Variants in SGMS1 observed in about 807,000 individuals in gnomAD.
The protein encoded by SGMS1 is sphingomyelin synthase 1, also known as phosphatidylcholine:ceramide cholinephosphotransferase 1.
A neutral mutation model predicts 46.2 loss-of-function variants in SGMS1; 13 were observed. The observed-to-expected ratio is 0.28, with a 90% CI of 0.18 to 0.45. The LOEUF (loss-of-function observed/expected upper bound fraction) is 0.45, where lower values mean the gene tolerates loss of function less well. Among genes scored for constraint, SGMS1 ranks in the 20% least tolerant of loss-of-function variants. The pLI, the probability that SGMS1 is intolerant of heterozygous loss-of-function variation, is 1.00. For missense variants in SGMS1, 324 were observed against 519.9 expected, an observed-to-expected ratio of 0.62 and a Z score of 3.66; for synonymous variants, 203 against 187.8, an observed-to-expected ratio of 1.08 and a Z score of -0.66.
Position 50,339,369 on chromosome 10 carries a change from A to G in SGMS1, c.623+4123T>C, listed in dbSNP as rs887327211. Among the ~76,000 whole-genome samples, 4 of 152,168 alleles carry G rather than the reference A, an allele frequency of 2.6e-5. No individual in the cohort carries two copies. The East Asian group carries it at 7.7e-4, about 29-fold the overall frequency. On this transcript the variant is annotated intron_variant, in intron 7 of 10. Coordinates refer to ENST00000361781, the MANE Select transcript of SGMS1 (RefSeq NM_147156.4). ...CAACTACTCTTCCCCAAACACATGC[A>G]TGGTATTCACTCTCATTTGATTCAG...
At chr10:50,473,245 T>C (rs1837394187) in intron 3 of SGMS1, among the ~76,000 whole-genome samples, 1 of 152,212 alleles carries the variant, frequency 6.6e-6, no homozygotes, top group Admixed American at 6.5e-5. Context: ...AGTCAGAAAG[T>C]CCCACAAGCA....
chr10:50,342,741 T>A (rs1030088792), intron 7 of SGMS1: 3 of 152,130 alleles, frequency 2.0e-5, no homozygotes, highest in African/African-American at 7.2e-5. Flanking sequence ...AAATCAAACA[T>A]CAGTGAAGGG....
At chr10:50,484,578 G>A (rs893329468) in intron 3 of SGMS1, among the ~76,000 whole-genome samples, 1 of 152,012 alleles carries the variant, frequency 6.6e-6, no homozygotes, top group Non-Finnish European at 1.5e-5. Context: ...CCAAAACCTG[G>A]CAGAGAAAAT....
chr10:50,478,022 T>C (rs1370095351), intron 3 of SGMS1, among the ~76,000 whole-genome samples: 1 of 152,224 alleles, frequency 6.6e-6, no homozygotes, highest in East Asian at 1.9e-4. Context: ...CAAATGGCAA[T>C]GACATAACAA....
At chr10:50,460,493 A>AT (rs1041857982) in intron 5 of SGMS1, among the ~76,000 whole-genome samples, 180 bp downstream of exon 5, 1 of 152,234 alleles carries the variant, frequency 6.6e-6, no homozygotes, top group African/African-American at 2.4e-5. Flanking sequence ...GACGAGTGAT[A>AT]TCCCACCACA....
intron 5 of SGMS1, among the ~76,000 whole-genome samples, chr10:50,438,592 G>A (rs191473397): frequency 6.6e-6 from 1 of 152,326 alleles, no homozygotes; most frequent in East Asian, 1.9e-4. Context: ...CACAGAAACT[G>A]TGAGATAATT....
At chr10:50,542,210 G>A (rs750958861) in intron 2 of SGMS1, among the ~76,000 whole-genome samples, 2 of 151,946 alleles carry the variant, frequency 1.3e-5, no homozygotes, top group Admixed American at 6.6e-5. Flanking sequence ...AGACTTCTAC[G>A]GCATAAAATA....
chr10:50,536,166 T>C (rs754209974), intron 2 of SGMS1, among the ~76,000 whole-genome samples: 3 of 151,978 alleles, frequency 2.0e-5, no homozygotes, highest in Non-Finnish European at 4.4e-5. Context: ...AGACCCCATC[T>C]CTACCAAAAA....
intron 6 of SGMS1, among the ~76,000 whole-genome samples, chr10:50,349,579 T>G (rs941754412): frequency 2.0e-5 from 3 of 152,218 alleles, no homozygotes; most frequent in African/African-American, 7.2e-5. Flanking sequence ...CTGAATTGTA[T>G]TCCCATAATT....
intron 6 of SGMS1, among the ~76,000 whole-genome samples, chr10:50,357,543 A>G (rs1035408561): frequency 6.6e-6 from 1 of 152,152 alleles, no homozygotes; most frequent in African/African-American, 2.4e-5. Context: ...TTGCTCAGAA[A>G]ATCTGAATTC....
chr10:50,477,725 A>G (rs147619030), intron 3 of SGMS1, among the ~76,000 whole-genome samples: 228 of 152,242 alleles, frequency 1.5e-3, no homozygotes, highest in African/African-American at 4.7e-3. Context: ...CTGTCTCATG[A>G]TAGAGTTCTC....
rs918718550 is a variant in SGMS1, at chr10:50,623,837, G to A, written c.-814C>T. The A allele has an allele frequency of 9.1e-6, 9 of 985,414 alleles. No individual in the cohort carries two copies. The highest frequency in any genetic ancestry group is 1.1e-5 in the Non-Finnish European group (9 of 829,972). 61.0% of individuals were successfully genotyped at this position (985,414 alleles called of 1,614,324 possible). A position where few individuals can be genotyped will look rare whatever the true frequency, so the allele number is the denominator to read the frequency against. On this transcript the variant is annotated 5_prime_UTR_variant, in exon 1 of 11. Coordinates refer to ENST00000361781, the MANE Select transcript of SGMS1 (RefSeq NM_147156.4). ...CTCCGACCGGCTCCCTAGGCGCGAG[G>A]GGAGAGCAGTCAGCCCAGGCCGGTC... is the stretch of plus-strand genomic sequence containing the variant.
chr10:50,336,633 C>T (rs1378293043), intron 7 of SGMS1, among the ~76,000 whole-genome samples: 1 of 152,078 alleles, frequency 6.6e-6, no homozygotes, highest in Admixed American at 6.5e-5. Flanking sequence ...ATGCACGTGG[C>T]ATCTACAACA....
chr10:50,396,286 C>T (rs1848847296), intron 6 of SGMS1, among the ~76,000 whole-genome samples: 1 of 152,122 alleles, frequency 6.6e-6, no homozygotes, highest in African/African-American at 2.4e-5. Context: ...CGTGCAGCCC[C>T]CATTATCTTA....
At chr10:50,435,200 A>G (rs1343970675) in intron 5 of SGMS1, among the ~76,000 whole-genome samples, 2 of 152,190 alleles carry the variant, frequency 1.3e-5, no homozygotes. Context: ...TTTGCCAAGT[A>G]ATTTATTCCT....
chr10:50,481,635 C>T (rs1274582167), intron 3 of SGMS1, among the ~76,000 whole-genome samples: 1 of 152,152 alleles, frequency 6.6e-6, no homozygotes, highest in Non-Finnish European at 1.5e-5. Flanking sequence ...ATGATCACAA[C>T]AACTCTCCAG....
chr10:50,609,274 T>C (rs1413504514), intron 1 of SGMS1, among the ~76,000 whole-genome samples: 1 of 151,908 alleles, frequency 6.6e-6, no homozygotes, highest in East Asian at 1.9e-4. Context: ...CCTGGGGGTA[T>C]TTTTTTTATT....
chr10:50,560,093 G>A (rs1838220816), intron 2 of SGMS1, among the ~76,000 whole-genome samples: 1 of 144,688 alleles, frequency 6.9e-6, no homozygotes, highest in African/African-American at 2.5e-5. Context: ...ATTACCTTAG[G>A]TAATATAGAT....
At chr10:50,492,017 G>A (rs1448079571) in intron 3 of SGMS1, among the ~76,000 whole-genome samples, 4 of 152,126 alleles carry the variant, frequency 2.6e-5, no homozygotes, top group South Asian at 2.1e-4. Flanking sequence ...TTCAACATAC[G>A]CAAATCAGTA....
Sources: allele counts gnomAD v4.1 joint callset (sites outside exome capture counted in the v4.1 genomes callset), GRCh38; gene constraint gnomAD v4.1.1; transcripts MANE v1.5; gene names NCBI Gene and HGNC (gene_info 2026-07-23, HGNC 2026-07-21).